The following PGBD5 variants were observed in gnomAD, a reference collection of about 807,000 sequenced individuals.
The protein encoded by PGBD5 is piggyBac transposable element derived 5.
Under a neutral mutation model 47.9 loss-of-function variants are expected in PGBD5, and 14 were observed. That is an observed-to-expected ratio of 0.29 (90% CI 0.19 to 0.46). The LOEUF is 0.46. Among genes scored for constraint, PGBD5 ranks in the 20% least tolerant of loss-of-function variants. The pLI is 1.00. For synonymous variants in PGBD5, 316 were observed against 306.3 expected, an observed-to-expected ratio of 1.03 and a Z score of -0.33; for missense variants, 635 against 716.0, an observed-to-expected ratio of 0.89 and a Z score of 1.29.
chr1:230,375,139 AAGC>A (rs1667991005), intron 1 of PGBD5, among the ~76,000 whole-genome samples: 1 of 152,234 alleles, frequency 6.6e-6, no homozygotes, highest in South Asian at 2.1e-4. Flanking sequence ...CGGAGATTGA[AAGC>A]AGTACAGATC....
chr1:230,419,851 C>T (rs563039425), intron 1 of PGBD5, among the ~76,000 whole-genome samples: 22 of 152,284 alleles, frequency 1.4e-4, no homozygotes, highest in African/African-American at 4.6e-4. Flanking sequence ...TCAGGCCAGG[C>T]GTGGTTGCTC....
At chr1:230,422,374 T>C (rs889276094) in intron 1 of PGBD5, among the ~76,000 whole-genome samples, 3 of 150,984 alleles carry the variant, frequency 2.0e-5, no homozygotes, top group African/African-American at 7.3e-5. Flanking sequence ...TTCCAAAGAG[T>C]GAGCTCACAT....
At chr1:230,335,820 G>GAC (rs1196389525) in intron 4 of PGBD5, among the ~76,000 whole-genome samples, 1 of 37,196 alleles carries the variant, frequency 2.7e-5, no homozygotes, top group African/African-American at 7.0e-5. Context: ...CACATACACT[G>GAC]ACACAGACAT....
At chr1:230,332,323 T>C (rs1667233572) in intron 5 of PGBD5, among the ~76,000 whole-genome samples, 1 of 152,240 alleles carries the variant, frequency 6.6e-6, no homozygotes, top group Non-Finnish European at 1.5e-5. Flanking sequence ...ATGATTTCAC[T>C]GTACGGTACT....
chr1:230,374,819 T>C (rs1307083503), intron 1 of PGBD5, among the ~76,000 whole-genome samples: 1 of 152,218 alleles, frequency 6.6e-6, no homozygotes, highest in Non-Finnish European at 1.5e-5. Flanking sequence ...TTCTGTGTAT[T>C]CCACCTTATC....
Position 230,425,653 on chromosome 1 carries a change from CG to C in PGBD5, c.275del (p.Ala92GlyfsTer71). On this transcript the variant is annotated frameshift_variant, in exon 1 of 7. Transcript: ENST00000391860. LOFTEE classifies it high-confidence loss of function. The surrounding 1 kb of genome is among the most constrained non-coding windows in gnomAD (Gnocchi z 4.7). ...AQEPEEDEAG[A>X]GWSAALRDRP... The stretch of plus-strand genomic sequence containing the variant: ...GGTCCCGCAGCGCTGCGCTCCAGCC[CG>C]CGCCGGCCTCGTCCTCCTCCGGCTC... 8.2e-7 allele frequency: 1 copy of C among 1,220,262 alleles called. No individual in the cohort carries two copies. Among genetic ancestry groups the C allele is most frequent in the Non-Finnish European group, 1.0e-6 (1 of 980,556 alleles). 75.6% of individuals were successfully genotyped at this position (1,220,262 alleles called of 1,614,324 possible).
chr1:230,319,806 A>C lies in PGBD5; in HGVS notation c.*3619T>G, dbSNP rs927153439. The stretch of plus-strand genomic sequence containing the variant: ...GACTTTTGAAAGATGTCCCTAGTAT[A>C]ATGTCCCATGGACCACGGGAAGACG... On this transcript the variant is annotated 3_prime_UTR_variant, in exon 7 of 7. Transcript: ENST00000391860. 2.3e-4 allele frequency: 35 copies of C among 149,828 alleles called. No individual in the cohort carries two copies. The highest frequency in any genetic ancestry group is 8.6e-4 in the African/African-American group (35 of 40,534). The allele number at this position is 149,828 out of a possible 1,614,324, so 9.3% of individuals were successfully genotyped here.
chr1:230,367,571 G>A (rs1030462638), intron 1 of PGBD5, among the ~76,000 whole-genome samples: 2 of 152,220 alleles, frequency 1.3e-5, no homozygotes, highest in South Asian at 2.1e-4. Context: ...GGTGGCACAC[G>A]CCTATAATCC....
intron 1 of PGBD5, among the ~76,000 whole-genome samples, chr1:230,388,006 T>C (rs550706903): frequency 7.1e-4 from 108 of 152,154 alleles, no homozygotes; most frequent in Admixed American, 2.7e-3. Flanking sequence ...GCTCCCTGCG[T>C]CCCCCAGTGA....
At chr1:230,388,678 G>A (rs556380394) in intron 1 of PGBD5, among the ~76,000 whole-genome samples, 92 of 152,268 alleles carry the variant, frequency 6.0e-4, no homozygotes, top group African/African-American at 2.2e-3. Context: ...GCCTCCCAAA[G>A]TGCTGGGATT....
At chr1:230,390,277 C>T (rs1196847139) in intron 1 of PGBD5, among the ~76,000 whole-genome samples, 2 of 152,072 alleles carry the variant, frequency 1.3e-5, no homozygotes, top group Non-Finnish European at 2.9e-5. Context: ...CCCAGATGCT[C>T]TCTCACCCAC....
At chr1:230,368,832 G>A (rs1303958798) in intron 1 of PGBD5, among the ~76,000 whole-genome samples, 1 of 152,250 alleles carries the variant, frequency 6.6e-6, no homozygotes, top group Non-Finnish European at 1.5e-5. Flanking sequence ...CAGAGGTAGG[G>A]TGTGCGCTGG....
intron 1 of PGBD5, among the ~76,000 whole-genome samples, chr1:230,414,716 A>G (rs879768470): frequency 2.0e-5 from 3 of 152,214 alleles, no homozygotes; most frequent in Admixed American, 1.3e-4. Flanking sequence ...TTCAGCTGAA[A>G]TATCAGCACT....
At chr1:230,401,580 A>G (rs1023429036) in intron 1 of PGBD5, among the ~76,000 whole-genome samples, 1 of 152,228 alleles carries the variant, frequency 6.6e-6, no homozygotes, top group African/African-American at 2.4e-5. Context: ...TTCTTTTATG[A>G]AATTTTCACT....
rs1667042121 is a variant in PGBD5 at position 230,322,155 on chromosome 1, G to A, written c.*1270C>T. On this transcript the variant is annotated 3_prime_UTR_variant, in exon 7 of 7. Transcript: ENST00000391860. This position sits in a 1 kb window ranked among gnomAD's most constrained non-coding sequence, Gnocchi z 5.9. The stretch of plus-strand genomic sequence containing the variant: ...ACCACTCTGGCACCGAGGCTTCCCT[G>A]GAGACGCATAAACCTGGGTTGGGAA... 6.6e-6 allele frequency: 1 copy of A among 152,200 alleles called. No individual in the cohort carries two copies. Among genetic ancestry groups the A allele is most frequent in the South Asian group, 2.1e-4 (1 of 4,830 alleles). 9.4% of individuals were successfully genotyped at this position (152,200 alleles called of 1,614,324 possible).
At position 230,425,466 on chromosome 1, in the gene PGBD5, C is replaced by G. The variant is rs1392690631; in HGVS notation, c.331+132G>C. 3.0e-6 allele frequency: 2 copies of G among 656,126 alleles called. No individual in the cohort carries two copies. Among genetic ancestry groups the G allele is most frequent in the Non-Finnish European group, 4.3e-6 (2 of 470,294 alleles). 40.6% of individuals were successfully genotyped at this position (656,126 alleles called of 1,614,324 possible). ...TCAGACCGATCACCGCTCCTGCAGC[C>G]TCATTTGTTTCCGGAGAGACACCCA... On this transcript the variant is annotated intron_variant, in intron 1 of 6. Transcript: ENST00000391860. The surrounding 1 kb of genome is among the most constrained non-coding windows in gnomAD (Gnocchi z 4.7).
At chr1:230,406,472 A>AAACAGAATGACAGTT (rs1195516825) in intron 1 of PGBD5, among the ~76,000 whole-genome samples, 1 of 152,158 alleles carries the variant, frequency 6.6e-6, no homozygotes, top group Admixed American at 6.5e-5. Flanking sequence ...ATAAACTGAG[A>AAACAGAATGACAGTT]AACAGAATGA....
intron 4 of PGBD5, among the ~76,000 whole-genome samples, chr1:230,334,605 TG>T (rs3841071): frequency 7.1e-4 from 108 of 152,050 alleles, no homozygotes; most frequent in South Asian, 1.7e-3. Flanking sequence ...TCCCCCAGGG[TG>T]GGGGGACAGT....
Position 230,323,720 on chromosome 1 carries a change from G to C in PGBD5, c.1380-100C>G. The C allele has an allele frequency of 1.6e-6, 2 of 1,217,590 alleles. No homozygotes were observed. Among genetic ancestry groups the C allele is most frequent in the Non-Finnish European group, 1.2e-6 (1 of 865,402 alleles). 75.4% of individuals were successfully genotyped at this position (1,217,590 alleles called of 1,614,324 possible). ...TCACCACAGCCCGTGAGACGCTGCA[G>C]GTTCGCCCCCGACAGAAGCAGGAGG... On this transcript the variant is annotated intron_variant, in intron 6 of 6. Coordinates refer to ENST00000391860, the MANE Select transcript of PGBD5 (RefSeq NM_001258311.2). This position sits in a 1 kb window ranked among gnomAD's most constrained non-coding sequence, Gnocchi z 4.1.
Sources: allele counts gnomAD v4.1 joint callset (sites outside exome capture counted in the v4.1 genomes callset), GRCh38; gene constraint gnomAD v4.1.1; non-coding constraint Gnocchi (gnomAD v3.1); transcripts MANE v1.5; gene names NCBI Gene and HGNC (gene_info 2026-07-23, HGNC 2026-07-21).